The following ZFP1 variants were observed in gnomAD, a reference collection of about 807,000 sequenced individuals.
ZFP1 encodes zinc finger protein 1 homolog.
Under a neutral mutation model 38.5 loss-of-function variants are expected in ZFP1, and 32 were observed. That is an observed-to-expected ratio of 0.83 (90% CI 0.63 to 1.12). The LOEUF (loss-of-function observed/expected upper bound fraction) is 1.12. Among genes scored for constraint, ZFP1 ranks in the 50% most tolerant of loss-of-function variants. The pLI, the probability that ZFP1 is intolerant of heterozygous loss-of-function variation, is 0.00. For missense variants in ZFP1, 616 were observed against 480.8 expected (o/e 1.28, Z -2.63); for synonymous variants, 245 against 168.8 (o/e 1.45, Z -3.50).
In ZFP1 at chr16:75,169,898, T is replaced by A; in HGVS notation, c.788T>A (p.Met263Lys). Reference sequence around the variant, plus strand: ...CTCATTGTACACCAGAGAGCACATATGGAGAAGAAGCCCTATGAGTGCAGT... The same window carrying A: ...CTCATTGTACACCAGAGAGCACATAAGGAGAAGAAGCCCTATGAGTGCAGT... The part of the protein sequence containing the change: ...SNLIVHQRAH[M>K]EKKPYECSEC... The change falls in exon 4 of 4, where the codon ATG becomes AAG. Residue 263 changes from methionine to lysine, a missense_variant. Transcript: ENST00000570010. The A allele has an allele frequency of 6.2e-7, 1 of 1,614,170 alleles. No individual in the cohort carries two copies. The highest frequency in any genetic ancestry group is 8.5e-7 in the Non-Finnish European group (1 of 1,180,030).
At chr16:75,157,780 C>G (rs1463514138) in intron 2 of ZFP1, among the ~76,000 whole-genome samples, 1 of 151,924 alleles carries the variant, frequency 6.6e-6, no homozygotes, top group African/African-American at 2.4e-5. Context: ...AAAGCCATAC[C>G]TACCTCTTCT....
chr16:75,126,906 G>A, the ZFP1 span, among the ~76,000 whole-genome samples: 1 of 152,096 alleles, frequency 6.6e-6, no homozygotes, highest in South Asian at 2.1e-4. Context: ...AAATTATACA[G>A]GAAGCATTGT....
the ZFP1 span, chr16:75,132,396 C>A: frequency 6.6e-6 from 1 of 151,572 alleles, no homozygotes; most frequent in Non-Finnish European, 1.5e-5. Flanking sequence ...AAAAATGAAG[C>A]AGGGTCATTT....
chr16:75,140,456 T>C, the ZFP1 span, among the ~76,000 whole-genome samples: 331 of 152,280 alleles, frequency 2.2e-3, 1 homozygote, highest in African/African-American at 7.4e-3. Flanking sequence ...ACTCCTGCTA[T>C]GACCTCCTTA....
intron 1 of ZFP1, among the ~76,000 whole-genome samples, chr16:75,151,514 T>C (rs2037202113): frequency 6.6e-6 from 1 of 152,198 alleles, no homozygotes; most frequent in Admixed American, 6.5e-5. Context: ...TGTAAAAATT[T>C]AACAGAGTTT....
chr16:75,141,352 A>G, the ZFP1 span, among the ~76,000 whole-genome samples: 27 of 151,556 alleles, frequency 1.8e-4, no homozygotes, highest in Non-Finnish European at 3.1e-4. Context: ...ACAGGCGCCC[A>G]CCACCACACC....
rs756686201 is a variant in ZFP1, at chr16:75,169,943, C to T, written c.833C>T (p.Ala278Val). 3.7e-6 allele frequency: 6 copies of T among 1,614,028 alleles called. No individual in the cohort carries two copies. Among genetic ancestry groups the T allele is most frequent in the Non-Finnish European group, 4.2e-6 (5 of 1,180,002 alleles). The part of the protein sequence containing the change: ...YECSECGKTF[A>V]QKFELTTHQR... ...TGCAGTGAATGTGGAAAGACATTTG[C>T]CCAAAAGTTTGAACTCACCACACAC... The change falls in exon 4 of 4, where the codon GCC becomes GTC. Residue 278 changes from alanine to valine, a missense_variant. Physicochemically the swap from Ala to Val is moderately conservative, Grantham distance 64. Coordinates refer to ENST00000570010, the MANE Select transcript of ZFP1 (RefSeq NM_153688.4).
At chr16:75,149,598 C>G (rs1597030456) in intron 1 of ZFP1, among the ~76,000 whole-genome samples, 3 of 116,716 alleles carry the variant, frequency 2.6e-5, no homozygotes, top group African/African-American at 6.6e-5. Flanking sequence ...CTCGCTCTGT[C>G]GTCCAGGCTG....
At chr16:75,140,107 A>G in the ZFP1 span, among the ~76,000 whole-genome samples, 1 of 152,098 alleles carries the variant, frequency 6.6e-6, no homozygotes, top group African/African-American at 2.4e-5. Context: ...CGTCTCTACT[A>G]AAAACACAAA....
chr16:75,128,086 T>C, the ZFP1 span: 1 of 152,252 alleles, frequency 6.6e-6, no homozygotes, highest in Non-Finnish European at 1.5e-5. Context: ...GTGCTTTCCT[T>C]TAAGGAATCA....
the ZFP1 span, among the ~76,000 whole-genome samples, chr16:75,138,350 A>G: frequency 2.6e-5 from 4 of 152,092 alleles, no homozygotes; most frequent in South Asian, 8.3e-4. Context: ...CCCACTTGTT[A>G]AACGTGGACT....
the ZFP1 span, among the ~76,000 whole-genome samples, chr16:75,136,845 T>G: frequency 5.9e-5 from 9 of 151,838 alleles, no homozygotes; most frequent in African/African-American, 2.2e-4. Flanking sequence ...TGCTCCAGCC[T>G]GGGCAACAGA....
rs548882394 is a variant in ZFP1, at chr16:75,150,816, G to T, written c.-43-2093G>T. On this transcript the variant is annotated intron_variant, in intron 1 of 3. Coordinates refer to ENST00000570010, the MANE Select transcript of ZFP1 (RefSeq NM_153688.4). ...AATAAATATTGTGCTGTTGATCGTA[G>T]AATCTTCCTTGATTGATTGATTGAT... 1.9e-3 allele frequency among the ~76,000 whole-genome samples: 291 copies of T among 152,176 alleles called. 1 individual carries two copies. Among genetic ancestry groups the T allele is most frequent in the African/African-American group, 6.6e-3 (273 of 41,524 alleles).
Position 75,170,430 on chromosome 16 carries a change from A to C in ZFP1, c.*96A>C. 7.0e-7 allele frequency: 1 copy of C among 1,427,554 alleles called. No homozygotes were observed. The highest frequency in any genetic ancestry group is 9.2e-7 in the Non-Finnish European group (1 of 1,085,300). The allele number at this position is 1,427,554 out of a possible 1,614,324, so 88.4% of individuals were successfully genotyped here. On this transcript the variant is annotated 3_prime_UTR_variant, in exon 4 of 4. Coordinates refer to ENST00000570010, the MANE Select transcript of ZFP1 (RefSeq NM_153688.4). ...GTATTGAGGGAACATGGGAATTCAT[A>C]CTGAGATGCAATCTCTCAACTCAAA...
chr16:75,136,783 A>C, the ZFP1 span, among the ~76,000 whole-genome samples: 9 of 152,096 alleles, frequency 5.9e-5, no homozygotes, highest in Admixed American at 5.9e-4. Flanking sequence ...AGGCAGGAAG[A>C]CTGCTTGAGT....
At chr16:75,133,418 C>T in the ZFP1 span, among the ~76,000 whole-genome samples, 41 of 152,250 alleles carry the variant, frequency 2.7e-4, no homozygotes, top group Admixed American at 1.3e-3. Flanking sequence ...TGCTCCTCTC[C>T]TCCCACCCTC....
chr16:75,159,036 A>G lies in ZFP1; in HGVS notation c.15+6070A>G, dbSNP rs370407102. Among the ~76,000 whole-genome samples the G allele has an allele frequency of 4.0e-4, 60 of 151,718 alleles. 1 individual carries two copies. Among genetic ancestry groups the G allele is most frequent in the African/African-American group, 1.4e-3 (58 of 41,346 alleles). ...TTCAGCCTCCTTAATAGCTGGGACT[A>G]CAGGCACATGTCATTATGCCCAGCT... On this transcript the variant is annotated intron_variant, in intron 2 of 3. Transcript: ENST00000570010.
rs980688083 is a variant in ZFP1 at position 75,171,732 on chromosome 16, C to A, written c.*1398C>A. On this transcript the variant is annotated 3_prime_UTR_variant, in exon 4 of 4. Coordinates refer to ENST00000570010, the MANE Select transcript of ZFP1 (RefSeq NM_153688.4). ...TGGATATCATTGATGTGCTGTCACACTATATATTGAGTGACTTTCTGAACA... is the reference window on the plus strand; with the variant it reads ...TGGATATCATTGATGTGCTGTCACAATATATATTGAGTGACTTTCTGAACA... The A allele has an allele frequency of 6.6e-6, 1 of 152,190 alleles. No individual in the cohort carries two copies. The highest frequency in any genetic ancestry group is 2.1e-4 in the South Asian group (1 of 4,832). 9.4% of individuals were successfully genotyped at this position (152,190 alleles called of 1,614,324 possible).
intron 2 of ZFP1, among the ~76,000 whole-genome samples, chr16:75,163,056 C>T (rs1262674365): frequency 6.6e-6 from 1 of 151,802 alleles, no homozygotes; most frequent in Non-Finnish European, 1.5e-5. Flanking sequence ...ATTACATGCG[C>T]CCACCACCAC....
Sources: gnomAD v4.1 joint callset for allele counts (sites outside exome capture counted in the v4.1 genomes callset) on GRCh38, gnomAD v4.1.1 for gene constraint, MANE v1.5 for transcripts, NCBI Gene and HGNC (gene_info 2026-07-23, HGNC 2026-07-21) for gene names.